Variants in UBE2J1 observed in about 807,000 individuals in gnomAD.
UBE2J1 encodes ubiquitin conjugating enzyme E2 J1.
Under a neutral mutation model 42.1 loss-of-function variants are expected in UBE2J1, and 17 were observed. The observed-to-expected ratio is 0.40, with a 90% confidence interval of 0.28 to 0.61. The LOEUF (loss-of-function observed/expected upper bound fraction) is 0.61, where lower values mean the gene tolerates loss of function less well. Ranked by LOEUF, UBE2J1 falls within the 20% of genes least tolerant of loss-of-function variation. The pLI is 0.38. For synonymous variants in UBE2J1, 127 were observed against 137.2 expected (o/e 0.93, Z 0.52); for missense variants, 291 against 389.4 (o/e 0.75, Z 2.13).
intron 1 of UBE2J1, among the ~76,000 whole-genome samples, chr6:89,346,685 G>C (rs984535236): frequency 1.3e-5 from 2 of 151,928 alleles, no homozygotes; most frequent in Admixed American, 1.3e-4. Flanking sequence ...AATCTGGGCA[G>C]ATCAAAATCT....
At chr6:89,329,988 C>T in intron 7 of UBE2J1, 31 bp from the exon 8 acceptor site, 3 of 1,605,332 alleles carry the variant, frequency 1.9e-6, no homozygotes, top group African/African-American at 1.3e-5. Context: ...TTGTTTGAAA[C>T]TGGCAAAGAA....
At position 89,329,870 on chromosome 6, in the gene UBE2J1, G is replaced by A. The variant is rs374040513; in HGVS notation, c.766C>T (p.Arg256Trp). 113 of 1,613,952 alleles carry A rather than the reference G, an allele frequency of 7.0e-5. No homozygotes were observed. The highest frequency in any genetic ancestry group is 4.9e-4 in the Middle Eastern group (3 of 6,084). ...KNTSMSPRQR[R>W]AQQQSQRRLS... ...CTTCTCTGACTCTGCTGCTGGGCCC[G>A]GCGCTGTCGAGGGCTCATGGAGGTA... The change falls in exon 8 of 8, where the codon CGG becomes TGG. Residue 256 changes from arginine (R) to tryptophan (W), a missense_variant. Arg to Trp is a moderately radical substitution (Grantham distance 101, BLOSUM62 -3). This residue lies in a region of UBE2J1 where 176 missense variants were observed against 196.3 expected (regional missense o/e 0.90). Coordinates refer to ENST00000435041, the MANE Select transcript of UBE2J1 (RefSeq NM_016021.3).
chr6:89,343,219 G>A (rs909243462), intron 2 of UBE2J1, among the ~76,000 whole-genome samples: 4 of 152,066 alleles, frequency 2.6e-5, no homozygotes, highest in African/African-American at 7.2e-5. Flanking sequence ...GGTGGATCAC[G>A]AGGTCAGGAG....
chr6:89,336,407 C>A (rs1768106809), intron 5 of UBE2J1, among the ~76,000 whole-genome samples: 1 of 152,102 alleles, frequency 6.6e-6, no homozygotes, highest in South Asian at 2.1e-4. Flanking sequence ...CTTCCCACTT[C>A]AGCCTCCCAA....
intron 3 of UBE2J1, among the ~76,000 whole-genome samples, 176 bp from the exon 4 acceptor site, chr6:89,338,719 G>GCA (rs1334419538): frequency 9.3e-5 from 12 of 128,928 alleles, no homozygotes; most frequent in Admixed American, 4.8e-4. Flanking sequence ...AGGCTGGAGT[G>GCA]CAGTGGTGTG....
intron 3 of UBE2J1, among the ~76,000 whole-genome samples, chr6:89,338,787 T>G (rs547070952): frequency 1.4e-5 from 2 of 145,718 alleles, no homozygotes; most frequent in Non-Finnish European, 3.0e-5. Context: ...TGCCTCAGCC[T>G]CCCAAGTAGC....
chr6:89,335,229 T>G, intron 6 of UBE2J1, 73 bp downstream of exon 6: 1 of 1,355,392 alleles, frequency 7.4e-7, no homozygotes, highest in Non-Finnish European at 9.9e-7. Context: ...CTGCATCGCT[T>G]TCCTTTCTAT....
At chr6:89,336,302 G>GTTTT (rs1317452329) in intron 5 of UBE2J1, among the ~76,000 whole-genome samples, 4 of 151,492 alleles carry the variant, frequency 2.6e-5, no homozygotes, top group African/African-American at 9.7e-5. Context: ...TTGTTTGTTT[G>GTTTT]TTTGAGACAG....
chr6:89,335,330 T>C lies in UBE2J1; in HGVS notation c.530A>G (p.Lys177Arg), dbSNP rs367833034. ...SDSSQADQEA[K>R]ELARQISFKA... ...AAAGCTTATTTGCCTAGCCAGTTCT[T>C]TGGCTTCTTGGTCAGCTTGGCTTGA... The change falls in exon 6 of 8, where the codon AAA becomes AGA. Residue 177 changes from lysine to arginine, a missense_variant. Transcript: ENST00000435041. 5.0e-6 allele frequency: 8 copies of C among 1,606,534 alleles called. No homozygotes were observed. In the East Asian group the frequency reaches 1.3e-4, roughly 27 times the overall value.
intron 1 of UBE2J1, among the ~76,000 whole-genome samples, chr6:89,352,262 GT>G (rs1562428164): frequency 6.6e-6 from 1 of 152,224 alleles, no homozygotes; most frequent in Admixed American, 6.5e-5. Context: ...TCAGGGATGA[GT>G]TTCTGACCCA....
chr6:89,340,701 T>C (rs1349605588), intron 3 of UBE2J1, among the ~76,000 whole-genome samples: 1 of 152,154 alleles, frequency 6.6e-6, no homozygotes, highest in Non-Finnish European at 1.5e-5. Flanking sequence ...ACAAATGTTC[T>C]CTCTGTTATA....
chr6:89,335,359 G>A lies in UBE2J1; in HGVS notation c.501C>T (p.Ser167=), dbSNP rs572279887. The A allele has an allele frequency of 2.4e-5, 38 of 1,608,560 alleles. No individual in the cohort carries two copies. The highest frequency in any genetic ancestry group is 1.7e-4 in the Middle Eastern group (1 of 6,034). The change falls in exon 6 of 8, where the codon AGC becomes AGT. Residue 167 remains serine (S), a synonymous_variant. Transcript: ENST00000435041. ...KDVLLPLKSG[S]DSSQADQEAK... ...CTTCTTGGTCAGCTTGGCTTGAATC[G>A]CTTCCAGATTTTAAAGGCAACAGGA...
chr6:89,350,009 A>AGGATCCATAGACAACTAC (rs1768439683), intron 1 of UBE2J1, among the ~76,000 whole-genome samples: 1 of 36,594 alleles, frequency 2.7e-5, no homozygotes, highest in Non-Finnish European at 4.9e-5. Flanking sequence ...GACAAGTAGC[A>AGGATCCATAGACAACTAC]TGATCCATAG....
At chr6:89,348,891 C>CT (rs1217457842) in intron 1 of UBE2J1, among the ~76,000 whole-genome samples, 4 of 152,178 alleles carry the variant, frequency 2.6e-5, no homozygotes, top group African/African-American at 4.8e-5. Context: ...ACCAAAGCAC[C>CT]TAAGTGAGAA....
Position 89,328,467 on chromosome 6 carries a change from A to G in UBE2J1, c.*1212T>C, listed in dbSNP as rs1428845591. 6.6e-6 allele frequency: 1 copy of G among 152,194 alleles called. No individual in the cohort carries two copies. The highest frequency in any genetic ancestry group is 1.5e-5 in the Non-Finnish European group (1 of 68,030). The allele number at this position is 152,194 out of a possible 1,614,324, so 9.4% of individuals were successfully genotyped here. ...ACTTTTGGAGCATAACCTATTTGAA[A>G]GCTTGGAACCACCTGTATTTAAAAA... On this transcript the variant is annotated 3_prime_UTR_variant, in exon 8 of 8. Coordinates refer to ENST00000435041, the MANE Select transcript of UBE2J1 (RefSeq NM_016021.3).
At chr6:89,335,208 T>C in intron 6 of UBE2J1, 94 bp downstream of exon 6, 6 of 1,166,832 alleles carry the variant, frequency 5.1e-6, no homozygotes, top group Non-Finnish European at 4.6e-6. Context: ...AAATGTCATA[T>C]TGTAATAGAA....
chr6:89,351,654 C>A (rs1387509846), intron 1 of UBE2J1, among the ~76,000 whole-genome samples: 2 of 152,184 alleles, frequency 1.3e-5, no homozygotes, highest in Non-Finnish European at 2.9e-5. Context: ...TTGGTGAAAT[C>A]ATCACTAATA....
rs1285384035 is a variant in UBE2J1, at chr6:89,352,461, G to T, written c.31+78C>A. The T allele has an allele frequency of 5.5e-6, 8 of 1,452,578 alleles. No homozygotes were observed. The African/African-American group carries it at 8.8e-5, about 16-fold the overall frequency. 90.0% of individuals were successfully genotyped at this position (1,452,578 alleles called of 1,614,324 possible). On this transcript the variant is annotated intron_variant, in intron 1 of 7. Transcript: ENST00000435041. The stretch of plus-strand genomic sequence containing the variant: ...CTGAGCCGCGAGTGGCGCCAGACGC[G>T]AGGGGACCGAGGCGGCGACCACCCC...
At chr6:89,346,324 C>T (rs1768364624) in intron 1 of UBE2J1, among the ~76,000 whole-genome samples, 1 of 152,170 alleles carries the variant, frequency 6.6e-6, no homozygotes, top group Non-Finnish European at 1.5e-5. Context: ...GCTACAGCTT[C>T]ATGCGTAAAC....
Sources: allele counts gnomAD v4.1 joint callset (sites outside exome capture counted in the v4.1 genomes callset), GRCh38; gene constraint gnomAD v4.1.1; regional missense constraint gnomAD v4.1.1; transcripts MANE v1.5; gene names NCBI Gene and HGNC (gene_info 2026-07-23, HGNC 2026-07-21).